The following RNF123 variants were observed in gnomAD, a reference collection of about 807,000 sequenced individuals.
RNF123 encodes the protein ring finger protein 123, also known as E3 ubiquitin-protein ligase RNF123.
Under a neutral mutation model 168.5 loss-of-function variants are expected in RNF123, and 86 were observed. The observed-to-expected ratio is 0.51, with a 90% CI of 0.43 to 0.61. The LOEUF (loss-of-function observed/expected upper bound fraction) is 0.61, where lower values mean the gene tolerates loss of function less well. Among genes scored for constraint, RNF123 ranks in the 20% least tolerant of loss-of-function variants. The pLI, the probability that RNF123 is intolerant of heterozygous loss-of-function variation, is 0.00. For synonymous variants in RNF123, 666 were observed against 689.1 expected (o/e 0.97, Z 0.52); for missense variants, 1,419 against 1,729.7 (o/e 0.82, Z 3.19).
At chr3:49,720,431 ACTC>A (rs1559693916) in intron 35 of RNF123, 77 bp from the exon 36 acceptor site, 15 of 1,405,256 alleles carry the variant, frequency 1.1e-5, no homozygotes, top group Non-Finnish European at 1.3e-5. Flanking sequence ...GAGCCATGGC[ACTC>A]CTCATTGGCA....
At position 49,704,763 on chromosome 3, in the gene RNF123, C is replaced by T; in HGVS notation, c.1959+7C>T. 1 of 1,566,650 alleles carries T rather than the reference C, an allele frequency of 6.4e-7. No individual in the cohort carries two copies. The highest frequency in any genetic ancestry group is 8.7e-7 in the Non-Finnish European group (1 of 1,155,788). On this transcript the variant is annotated splice_region_variant and intron_variant, in intron 22 of 38. Coordinates refer to ENST00000327697, the MANE Select transcript of RNF123 (RefSeq NM_022064.5). Reference sequence around the variant, plus strand: ...AGCCCCAGCTATGGCCCAGGTGCCGCAGTGGGGGCAGGCGGTGGGATTTGT... The same window carrying T: ...AGCCCCAGCTATGGCCCAGGTGCCGTAGTGGGGGCAGGCGGTGGGATTTGT...
Position 49,715,849 on chromosome 3 carries a change from C to T in RNF123, c.3178C>T (p.Arg1060Trp), listed in dbSNP as rs778057072. 5.6e-6 allele frequency: 9 copies of T among 1,614,024 alleles called. No homozygotes were observed. Among genetic ancestry groups the T allele is most frequent in the Admixed American group, 1.7e-5 (1 of 60,024 alleles). The part of the protein sequence containing the change: ...EIQQAAERLE[R>W]NFVDSRQLKV... ...CCAGCAGGCTGCTGAGCGCCTGGAGCGGAACTTTGTGGACAGCCGGCAGCT... is the reference window on the plus strand; with the variant it reads ...CCAGCAGGCTGCTGAGCGCCTGGAGTGGAACTTTGTGGACAGCCGGCAGCT... Residue 1060 changes from arginine (R) to tryptophan (W), a missense_variant, in exon 33 of 39, where the codon CGG (arginine) becomes TGG (tryptophan). Physicochemically the swap from Arg to Trp is moderately radical, Grantham distance 101 (BLOSUM62 -3). Transcript: ENST00000327697.
rs1318156979 is a variant in RNF123 at position 49,699,955 on chromosome 3, A to G, written c.984+183A>G. 2.8e-6 allele frequency: 2 copies of G among 702,054 alleles called. No individual in the cohort carries two copies. The highest frequency in any genetic ancestry group is 1.8e-5 in the South Asian group (1 of 55,642). The allele number at this position is 702,054 out of a possible 1,614,324, so 43.5% of individuals were successfully genotyped here. ...CCCTAGGGAAACAGGGACATTGCCA[A>G]CCAAGGGCATCAGGGGATGTCCTGG... On this transcript the variant is annotated intron_variant, in intron 12 of 38. Transcript: ENST00000327697. The surrounding 1 kb of genome is among the most constrained non-coding windows in gnomAD (Gnocchi z 4.8).
rs1341281428 is a variant in RNF123 at position 49,702,645 on chromosome 3, C to G, written c.1642C>G (p.Leu548Val). ...CTGGTGTCCACAGAACATGCCCATG[C>G]TCTGCCCCCCTGAGTACATGGTCTG... Reference protein sequence around the residue: ...NASGRGNMPMLCPPEYMVCFL... With the variant: ...NASGRGNMPMVCPPEYMVCFL... Residue 548 changes from leucine to valine, a missense_variant, in exon 20 of 39, where the codon CTC becomes GTC. Leu to Val is a conservative substitution (Grantham distance 32, BLOSUM62 1). Around this residue, in one of 5 missense-constraint regions of RNF123, gnomAD observed 349 missense variants for 344.9 expected, o/e 1.01. Transcript: ENST00000327697. 6.2e-7 allele frequency: 1 copy of G among 1,614,244 alleles called. No individual in the cohort carries two copies. Among genetic ancestry groups the G allele is most frequent in the Non-Finnish European group, 8.5e-7 (1 of 1,180,030 alleles).
chr3:49,705,247 C>G, intron 23 of RNF123, 65 bp downstream of exon 23: 2 of 1,525,640 alleles, frequency 1.3e-6, no homozygotes, highest in Non-Finnish European at 1.8e-6. Flanking sequence ...GTCCCCGATC[C>G]GGGCAAAGCC....
intron 21 of RNF123, among the ~76,000 whole-genome samples, chr3:49,703,854 A>G (rs913780915): frequency 1.3e-5 from 2 of 152,164 alleles, no homozygotes; most frequent in African/African-American, 2.4e-5. Context: ...GGGCACAGCG[A>G]GAGCAAGGCC....
At chr3:49,704,534 C>G in intron 21 of RNF123, 116 bp from the exon 22 acceptor site, 1 of 810,626 alleles carries the variant, frequency 1.2e-6, no homozygotes, top group Non-Finnish European at 2.0e-6. Context: ...CGGTGCTAAA[C>G]CGGGCTCTGC....
chr3:49,701,994 A>C, intron 17 of RNF123, 84 bp downstream of exon 17: 1 of 1,556,300 alleles, frequency 6.4e-7, no homozygotes, highest in Non-Finnish European at 8.7e-7. Flanking sequence ...TCTAGGTGGG[A>C]CTTGGGGAAC....
In RNF123 at chr3:49,701,401, G is replaced by A. The variant is rs373975236; in HGVS notation, c.1278-90G>A. The A allele has an allele frequency of 4.9e-5, 47 of 962,928 alleles. No homozygotes were observed. In the South Asian group the frequency reaches 6.3e-4, roughly 13 times the overall value. The allele number at this position is 962,928 out of a possible 1,614,324, so 59.6% of individuals were successfully genotyped here. On this transcript the variant is annotated intron_variant, in intron 15 of 38. Transcript: ENST00000327697. ...TGTGGTGGTGGGAGAGCTGTGGTAG[G>A]CACATCCAGGGATGGGCTCCTGGGG... is the stretch of plus-strand genomic sequence containing the variant.
intron 26 of RNF123, among the ~76,000 whole-genome samples, chr3:49,709,137 T>TC (rs1034331402): frequency 1.2e-4 from 18 of 149,958 alleles, no homozygotes; most frequent in Admixed American, 1.1e-3. Context: ...GTGATTTTTT[T>TC]TTTCTTTTTT....
chr3:49,703,198 C>T lies in RNF123; in HGVS notation c.1751-229C>T, dbSNP rs192497276. On this transcript the variant is annotated intron_variant, in intron 20 of 38. Coordinates refer to ENST00000327697, the MANE Select transcript of RNF123 (RefSeq NM_022064.5). ...GAACGGCTGCCATGAGTACCCCCAT[C>T]ACCCCAAGTTATGCAGCTGCTGGCT... Among the ~76,000 whole-genome samples, 174 of 152,330 alleles carry T rather than the reference C, an allele frequency of 1.1e-3. 1 individual carries two copies. The highest frequency in any genetic ancestry group is 1.6e-3 in the Non-Finnish European group (112 of 68,032).
At chr3:49,692,383 A>G (rs190078232) in intron 3 of RNF123, among the ~76,000 whole-genome samples, 8 of 152,348 alleles carry the variant, frequency 5.3e-5, no homozygotes, top group East Asian at 1.9e-4. Context: ...ATATATATTT[A>G]TAGGGTACAT....
intron 16 of RNF123, 89 bp downstream of exon 16, chr3:49,701,697 T>C (rs2054391627): frequency 2.7e-6 from 4 of 1,469,244 alleles, no homozygotes; most frequent in Non-Finnish European, 3.8e-6. Context: ...ATGAGGCCTT[T>C]TCACTGGCCC....
rs189225350 is a variant in RNF123, at chr3:49,700,789, C to G, written c.1277+80C>G. 4.8e-5 allele frequency: 71 copies of G among 1,475,912 alleles called. No individual in the cohort carries two copies. In the African/African-American group the frequency reaches 8.7e-4, roughly 18 times the overall value. The allele number at this position is 1,475,912 out of a possible 1,614,324, so 91.4% of individuals were successfully genotyped here. On this transcript the variant is annotated intron_variant, in intron 15 of 38. Coordinates refer to ENST00000327697, the MANE Select transcript of RNF123 (RefSeq NM_022064.5). ...CAGAGGCCAGGAAGGGGAGTGTCAT[C>G]AGGCCAGGGGTCCCCTGGGAGCATC...
chr3:49,704,770 G>A lies in RNF123; in HGVS notation c.1959+14G>A, dbSNP rs142279352. The A allele has an allele frequency of 2.3e-4, 357 of 1,559,014 alleles. No homozygotes were observed. In the African/African-American group the frequency reaches 4.1e-3, roughly 18 times the overall value. ...GCTATGGCCCAGGTGCCGCAGTGGG[G>A]GCAGGCGGTGGGATTTGTGTTGGGC... is the stretch of plus-strand genomic sequence containing the variant. On this transcript the variant is annotated intron_variant, in intron 22 of 38. Coordinates refer to ENST00000327697, the MANE Select transcript of RNF123 (RefSeq NM_022064.5).
chr3:49,704,560 G>T, intron 21 of RNF123, 90 bp from the exon 22 acceptor site: 3 of 1,110,082 alleles, frequency 2.7e-6, no homozygotes, highest in Non-Finnish European at 3.9e-6. Flanking sequence ...CTCCTGCCCA[G>T]TGTGCTGGGC....
At position 49,721,227 on chromosome 3, in the gene RNF123, C is replaced by T; in HGVS notation, c.3867C>T (p.Phe1289=). ...ACCTGATGAACAACAAGGACTGCTT[C>T]TTCTGCAAAACCACCATCGTGTCTG... The part of the protein sequence containing the change: ...NQHLMNNKDC[F]FCKTTIVSVE... The change falls in exon 39 of 39, where the codon TTC becomes TTT. Residue 1289 remains phenylalanine (F), a synonymous_variant. Transcript: ENST00000327697. The T allele has an allele frequency of 1.2e-6, 2 of 1,614,234 alleles. No individual in the cohort carries two copies. Among genetic ancestry groups the T allele is most frequent in the Non-Finnish European group, 1.7e-6 (2 of 1,180,032 alleles).
chr3:49,704,932 G>T, intron 22 of RNF123, 52 bp from the exon 23 acceptor site: 1 of 1,532,792 alleles, frequency 6.5e-7, no homozygotes. Flanking sequence ...AGCCCCGTGG[G>T]CCAAGGGAAC....
chr3:49,706,124 A>T, intron 25 of RNF123, 59 bp downstream of exon 25: 1 of 1,488,464 alleles, frequency 6.7e-7, no homozygotes. Context: ...GTAACCACAG[A>T]TGAAGTCTGG....
Sources: gnomAD v4.1 joint callset for allele counts (sites outside exome capture counted in the v4.1 genomes callset) on GRCh38, gnomAD v4.1.1 for gene constraint, gnomAD v4.1.1 regional missense constraint, Gnocchi (gnomAD v3.1) non-coding constraint, MANE v1.5 for transcripts, NCBI Gene and HGNC (gene_info 2026-07-23, HGNC 2026-07-21) for gene names.